The following AP1G1 variants were observed in gnomAD, a reference collection of about 807,000 sequenced individuals.
AP1G1 encodes the protein adaptor related protein complex 1 subunit gamma 1.
AP1G1 carries 7 observed loss-of-function variants against 108.3 expected under a neutral mutation model. The observed-to-expected ratio is 0.06, with a 90% CI of 0.04 to 0.12. AP1G1 has a LOEUF of 0.12. Among genes scored for constraint, AP1G1 ranks in the 10% least tolerant of loss-of-function variants. AP1G1 has a pLI of 1.00. For missense variants in AP1G1, 756 were observed against 1,010.7 expected (o/e 0.75, Z 3.42); for synonymous variants, 379 against 353.5 (o/e 1.07, Z -0.81).
intron 1 of AP1G1, chr16:71,807,677 A>G (rs910190460): frequency 2.5e-5 from 14 of 569,508 alleles, no homozygotes; most frequent in Admixed American, 1.0e-4. Context: ...AGTATTTTTT[A>G]GAATCAGTCA....
intron 1 of AP1G1, chr16:71,807,891 G>C (rs1367718076): frequency 3.9e-6 from 5 of 1,282,976 alleles, no homozygotes; most frequent in Non-Finnish European, 3.1e-6. Flanking sequence ...GTGTCAGTAA[G>C]CACCAAAAAG....
intron 1 of AP1G1, chr16:71,808,356 C>A: frequency 2.4e-6 from 2 of 835,750 alleles, no homozygotes; most frequent in Non-Finnish European, 3.2e-6. Flanking sequence ...ATCTGACAGA[C>A]CTGACACGGG....
chr16:71,778,638 G>A (rs1434421740), intron 2 of AP1G1, among the ~76,000 whole-genome samples: 7 of 149,354 alleles, frequency 4.7e-5, no homozygotes, highest in South Asian at 2.1e-4. Flanking sequence ...AGCTGAGATC[G>A]CGCCACTGCC....
chr16:71,747,803 G>GA (rs2030263104), intron 16 of AP1G1, among the ~76,000 whole-genome samples: 1 of 151,932 alleles, frequency 6.6e-6, no homozygotes, highest in Non-Finnish European at 1.5e-5. Flanking sequence ...GCAAACAAAC[G>GA]AAACACTTTC....
At chr16:71,782,853 T>C (rs939544577) in intron 2 of AP1G1, among the ~76,000 whole-genome samples, 1 of 152,320 alleles carries the variant, frequency 6.6e-6, no homozygotes. Flanking sequence ...TGGTGATTAC[T>C]GAAACCTTCT....
At chr16:71,800,625 C>A (rs1390154030) in intron 1 of AP1G1, among the ~76,000 whole-genome samples, 2 of 150,904 alleles carry the variant, frequency 1.3e-5, no homozygotes, top group Non-Finnish European at 2.9e-5. Flanking sequence ...CATGGTGAAA[C>A]CCCATCTCTA....
At chr16:71,748,579 G>A (rs943644840) in intron 15 of AP1G1, among the ~76,000 whole-genome samples, 2 of 152,052 alleles carry the variant, frequency 1.3e-5, no homozygotes, top group African/African-American at 4.8e-5. Context: ...AAGTGCTCTG[G>A]TTCTATCAAC....
intron 21 of AP1G1, among the ~76,000 whole-genome samples, chr16:71,737,815 T>C (rs1199918182): frequency 6.6e-6 from 1 of 152,292 alleles, no homozygotes; most frequent in Admixed American, 6.5e-5. Context: ...AAACCAGTGG[T>C]TGGCAAACTA....
At chr16:71,786,669 C>A (rs1249994687) in intron 2 of AP1G1, among the ~76,000 whole-genome samples, 1 of 152,094 alleles carries the variant, frequency 6.6e-6, no homozygotes, top group Non-Finnish European at 1.5e-5. Context: ...CCATGTTGGC[C>A]AGGATAGCCT....
chr16:71,801,787 T>C (rs2032809371), intron 1 of AP1G1, among the ~76,000 whole-genome samples: 1 of 151,726 alleles, frequency 6.6e-6, no homozygotes, highest in South Asian at 2.1e-4. Context: ...CCAGGCGTGG[T>C]GGCGGGCGCC....
At chr16:71,763,007 G>A (rs991364671) in intron 9 of AP1G1, among the ~76,000 whole-genome samples, 2 of 152,304 alleles carry the variant, frequency 1.3e-5, no homozygotes, top group African/African-American at 4.8e-5. Context: ...TCAATTAGAA[G>A]ATACCCAGCT....
Position 71,773,351 on chromosome 16 carries a change from T to C in AP1G1, c.338A>G (p.His113Arg). The stretch of plus-strand genomic sequence containing the variant: ...TAACCCCTGTACGAATTGCGTGCTA[T>C]GATTAAGATCACTGCAAAAGAAAAG... ...MTNCIKNDLN[H>R]STQFVQGLAL... is the part of the protein sequence containing the mutation. Residue 113 changes from histidine (H) to arginine (R), a missense_variant, in exon 4 of 23, where the codon CAT (histidine) becomes CGT (arginine). Physicochemically the swap from His to Arg is conservative, Grantham distance 29. Coordinates refer to ENST00000299980, the MANE Select transcript of AP1G1 (RefSeq NM_001128.6). 6.5e-7 allele frequency: 1 copy of C among 1,537,522 alleles called. No individual in the cohort carries two copies. Among genetic ancestry groups the C allele is most frequent in the Non-Finnish European group, 8.7e-7 (1 of 1,150,496 alleles).
intron 2 of AP1G1, among the ~76,000 whole-genome samples, chr16:71,784,502 T>C (rs2032131468): frequency 6.6e-6 from 1 of 152,234 alleles, no homozygotes; most frequent in African/African-American, 2.4e-5. Flanking sequence ...TTAATGTAGA[T>C]GCTGGTAGTT....
chr16:71,800,068 A>C (rs796718281), intron 1 of AP1G1, among the ~76,000 whole-genome samples: 13 of 151,576 alleles, frequency 8.6e-5, no homozygotes, highest in African/African-American at 3.1e-4. Context: ...AAAAAATAAT[A>C]ATAAAGAATT....
At chr16:71,779,783 T>C (rs2031934880) in intron 2 of AP1G1, among the ~76,000 whole-genome samples, 1 of 152,136 alleles carries the variant, frequency 6.6e-6, no homozygotes, top group Non-Finnish European at 1.5e-5. Flanking sequence ...TACCCCTGGA[T>C]AAAAGCTGCA....
At chr16:71,735,394 T>C (rs1232951590) in intron 21 of AP1G1, among the ~76,000 whole-genome samples, 2 of 152,216 alleles carry the variant, frequency 1.3e-5, no homozygotes, top group Admixed American at 6.5e-5. Context: ...CTGGGTGTGG[T>C]GGCTCAAGCC....
At chr16:71,763,119 G>A (rs1020879244) in intron 9 of AP1G1, among the ~76,000 whole-genome samples, 1 of 152,182 alleles carries the variant, frequency 6.6e-6, no homozygotes, top group East Asian at 1.9e-4. Flanking sequence ...CACATTACTC[G>A]GGAGGCTGAG....
chr16:71,777,207 G>A (rs537883481), intron 2 of AP1G1, among the ~76,000 whole-genome samples: 15 of 149,980 alleles, frequency 1.0e-4, no homozygotes, highest in Non-Finnish European at 1.9e-4. Flanking sequence ...CCAGTCTGGC[G>A]CTGTCTTAGA....
chr16:71,796,638 A>G (rs548446662), intron 1 of AP1G1, among the ~76,000 whole-genome samples: 2 of 152,298 alleles, frequency 1.3e-5, no homozygotes, highest in African/African-American at 2.4e-5. Context: ...CTTCAAGGCT[A>G]AAGAATAGGC....
Sources: gnomAD v4.1 joint callset for allele counts (sites outside exome capture counted in the v4.1 genomes callset) on GRCh38, gnomAD v4.1.1 for gene constraint, MANE v1.5 for transcripts, NCBI Gene and HGNC (gene_info 2026-07-23, HGNC 2026-07-21) for gene names.